Variants in ZNF469 observed in about 807,000 individuals in gnomAD.
ZNF469 encodes the protein zinc finger protein 469.
Under a neutral mutation model 1.0 loss-of-function variants are expected in ZNF469, and 1 was observed. The observed-to-expected ratio is 1.00, with a 90% CI of 0.35 to 4.73. The LOEUF (loss-of-function observed/expected upper bound fraction) is 4.73, where lower values mean the gene tolerates loss of function less well. Ranked by LOEUF, ZNF469 falls within the 30% of genes most tolerant of loss-of-function variation. ZNF469 has a pLI of 0.16. For synonymous variants in ZNF469, 2,703 were observed against 2,363.4 expected (o/e 1.14, Z -4.17); for missense variants, 6,100 against 5,356.3 (o/e 1.14, Z -4.33).
At chr16:88,178,978 A>G in the ZNF469 span, 1 of 151,974 alleles carries the variant, frequency 6.6e-6, no homozygotes, top group Non-Finnish European at 1.5e-5. Flanking sequence ...TATGTGGGCC[A>G]TGAGGACTTT....
the ZNF469 span, chr16:88,178,609 C>T: frequency 1.3e-5 from 2 of 152,142 alleles, no homozygotes; most frequent in African/African-American, 4.8e-5. Context: ...TTTCCTCTTC[C>T]CAGAGGTTTG....
At chr16:88,397,698 T>C (rs1178184233) in intron 1 of ZNF469, among the ~76,000 whole-genome samples, 1 of 94,396 alleles carries the variant, frequency 1.1e-5, no homozygotes, top group Non-Finnish European at 2.3e-5. Flanking sequence ...TAGAGACACA[T>C]AGATATATAC....
the ZNF469 span, among the ~76,000 whole-genome samples, chr16:88,316,849 G>A: frequency 6.6e-6 from 1 of 151,122 alleles, no homozygotes; most frequent in Admixed American, 6.6e-5. Context: ...ACCCAGCCTG[G>A]GTGCTGTCTC....
chr16:88,232,878 C>G, the ZNF469 span, among the ~76,000 whole-genome samples: 60 of 152,350 alleles, frequency 3.9e-4, no homozygotes, highest in African/African-American at 1.4e-3. Flanking sequence ...ATATTGCGCC[C>G]CAGCCTTCTC....
chr16:88,270,417 G>A, the ZNF469 span, among the ~76,000 whole-genome samples: 7 of 152,166 alleles, frequency 4.6e-5, no homozygotes, highest in Non-Finnish European at 5.9e-5. Flanking sequence ...CTGGATGCTC[G>A]CACCTGCTGC....
At chr16:88,140,856 C>G in the ZNF469 span, among the ~76,000 whole-genome samples, 2 of 152,260 alleles carry the variant, frequency 1.3e-5, no homozygotes, top group East Asian at 3.9e-4. Flanking sequence ...TCGCTTGAAC[C>G]CAGGAGGCGG....
the ZNF469 span, among the ~76,000 whole-genome samples, chr16:88,125,130 G>C: frequency 2.0e-5 from 3 of 152,118 alleles, no homozygotes; most frequent in East Asian, 5.8e-4. Flanking sequence ...TTGTTGAGAA[G>C]AATGTTCTTT....
At chr16:88,110,859 C>T in the ZNF469 span, among the ~76,000 whole-genome samples, 8 of 152,234 alleles carry the variant, frequency 5.3e-5, no homozygotes, top group Non-Finnish European at 1.0e-4. Flanking sequence ...TGTAGCCTCG[C>T]TGGAGAAATG....
chr16:88,363,959 A>G, the ZNF469 span, among the ~76,000 whole-genome samples: 1 of 152,226 alleles, frequency 6.6e-6, no homozygotes. Flanking sequence ...AATGGTGTCT[A>G]CTGGTGAACC....
At chr16:88,355,182 G>A in the ZNF469 span, among the ~76,000 whole-genome samples, 65 of 152,272 alleles carry the variant, frequency 4.3e-4, no homozygotes, top group East Asian at 0.011. Context: ...ACTCTACAAC[G>A]AGACTATCAC....
chr16:88,195,788 TC>T, the ZNF469 span, among the ~76,000 whole-genome samples: 1 of 152,176 alleles, frequency 6.6e-6, no homozygotes, highest in Non-Finnish European at 1.5e-5. Context: ...CTCTCATTGG[TC>T]CCCCACCCTG....
At chr16:88,155,016 T>A in the ZNF469 span, among the ~76,000 whole-genome samples, 2,251 of 152,272 alleles carry the variant, frequency 0.015, 62 homozygotes, top group African/African-American at 0.052. Flanking sequence ...AAAATGCAGA[T>A]CCCGTCTGCA....
the ZNF469 span, among the ~76,000 whole-genome samples, chr16:88,330,471 A>C: frequency 6.6e-6 from 1 of 152,248 alleles, no homozygotes; most frequent in Non-Finnish European, 1.5e-5. Context: ...CTTAGCACGC[A>C]TATTCCCAGT....
In ZNF469 at chr16:88,437,503, C is replaced by G. The variant is rs1597214224; in HGVS notation, c.10033C>G (p.Arg3345Gly). ...PSRDCHHCGK[R>G]FPKPFKLQRH... is the part of the protein sequence containing the mutation. ...CCGCGACTGCCACCACTGCGGGAAG[C>G]GCTTCCCCAAGCCCTTCAAGCTGCA... Residue 3345 changes from arginine to glycine, a missense_variant, in exon 3 of 3, where the codon CGC becomes GGC. Transcript: ENST00000565624. 6.5e-7 allele frequency: 1 copy of G among 1,540,758 alleles called. No homozygotes were observed. The highest frequency in any genetic ancestry group is 1.4e-5 in the African/African-American group (1 of 72,518).
the ZNF469 span, among the ~76,000 whole-genome samples, chr16:88,373,502 C>T: frequency 6.6e-6 from 1 of 152,200 alleles, no homozygotes; most frequent in South Asian, 2.1e-4. Context: ...TCCCACCCTG[C>T]CTGTGCCCCA....
chr16:88,433,649 C>A lies in ZNF469; in HGVS notation c.6179C>A (p.Ser2060Tyr), dbSNP rs273585623. The A allele has an allele frequency of 2.8e-4, 430 of 1,550,260 alleles. No individual in the cohort carries two copies. Among genetic ancestry groups the A allele is most frequent in the Middle Eastern group, 6.7e-4 (4 of 5,992 alleles). ...EEAEPTPSPPSPNRESLALAL... is the reference protein window; with the variant it reads ...EEAEPTPSPPYPNRESLALAL... ...GCCGAGCCCACCCCAAGCCCCCCGT[C>A]CCCTAATAGGGAGTCCCTGGCGCTG... The change falls in exon 3 of 3, where the codon TCC (serine) becomes TAC (tyrosine). Residue 2060 changes from serine (S) to tyrosine (Y), a missense_variant. Coordinates refer to ENST00000565624, the MANE Select transcript of ZNF469 (RefSeq NM_001367624.2).
At chr16:88,375,679 G>A in the ZNF469 span, among the ~76,000 whole-genome samples, 35 of 152,352 alleles carry the variant, frequency 2.3e-4, no homozygotes, top group African/African-American at 7.7e-4. Flanking sequence ...GGTGCCGGGC[G>A]CCATCGCAGG....
At chr16:88,353,623 C>T in the ZNF469 span, among the ~76,000 whole-genome samples, 1 of 152,240 alleles carries the variant, frequency 6.6e-6, no homozygotes, top group Admixed American at 6.5e-5. Flanking sequence ...TCAGAGCATG[C>T]GCGCGTGTCG....
the ZNF469 span, among the ~76,000 whole-genome samples, chr16:88,167,714 G>A: frequency 6.6e-6 from 1 of 152,168 alleles, no homozygotes; most frequent in African/African-American, 2.4e-5. Flanking sequence ...TCTGGTCAAG[G>A]GGGCGCCCAT....
Sources: allele counts gnomAD v4.1 joint callset (sites outside exome capture counted in the v4.1 genomes callset), GRCh38; gene constraint gnomAD v4.1.1; transcripts MANE v1.5; gene names NCBI Gene and HGNC (gene_info 2026-07-23, HGNC 2026-07-21).